The following ARSL variants were observed in gnomAD, a reference collection of about 807,000 sequenced individuals.
ARSL encodes the protein arylsulfatase L.
Under a neutral mutation model 31.1 loss-of-function variants are expected in ARSL, and 4 were observed. The ratio of observed to expected loss-of-function variants is 0.13; its 90% CI spans 0.06 to 0.29. The LOEUF is 0.29. Among genes scored for constraint, ARSL ranks in the 10% least tolerant of loss-of-function variants. ARSL has a pLI of 1.00. For synonymous variants in ARSL, 198 were observed against 209.9 expected (o/e 0.94, Z 0.49); for missense variants, 312 against 497.8 (o/e 0.63, Z 3.55).
At chrX:2,945,793 G>A (rs1216601875) in intron 7 of ARSL, among the ~76,000 whole-genome samples, 1 of 112,270 alleles carries the variant, frequency 8.9e-6, no homozygotes, top group African/African-American at 3.2e-5. Flanking sequence ...TGGCCGAATC[G>A]CATTGCCTCC....
upstream of ARSL, among the ~76,000 whole-genome samples, chrX:2,967,277 T>A (rs1422469462): frequency 8.9e-6 from 1 of 112,189 alleles, no homozygotes; most frequent in Non-Finnish European, 1.9e-5. Flanking sequence ...ACCTCTGAAC[T>A]GATGTATTTA....
Position 2,951,104 on chromosome X carries a change from C to T in ARSL, c.431-1377G>A, listed in dbSNP as rs187993051. Among the ~76,000 whole-genome samples, 44 of 111,909 alleles carry T rather than the reference C, an allele frequency of 3.9e-4. No individual in the cohort carries two copies. In the East Asian group the frequency reaches 0.011, roughly 29 times the overall value. ...TACAAAGACTCTTTTTGCATATAAG[C>T]TAATATTTGCTAGATTCAGAGGTTA... On this transcript the variant is annotated intron_variant, in intron 5 of 10. Coordinates refer to ENST00000381134, the MANE Select transcript of ARSL (RefSeq NM_000047.3).
chrX:2,960,460 G>A (rs930166411), intron 1 of ARSL, 40 bp from the exon 2 acceptor site: 1 of 1,184,455 alleles, frequency 8.4e-7, no homozygotes, highest in Non-Finnish European at 1.1e-6. Flanking sequence ...ATTGACAGCA[G>A]AAATTGACCT....
At chrX:2,957,964 G>C (rs2089549658) in intron 3 of ARSL, among the ~76,000 whole-genome samples, 1 of 111,122 alleles carries the variant, frequency 9.0e-6, no homozygotes, top group African/African-American at 3.3e-5. Context: ...CAAGGCTGCA[G>C]TGAGCTGTGA....
At chrX:2,950,236 C>T (rs1396613432) in intron 5 of ARSL, among the ~76,000 whole-genome samples, 3 of 111,572 alleles carry the variant, frequency 2.7e-5, no homozygotes, top group South Asian at 3.8e-4. Context: ...CAGCAGTCAT[C>T]GCAGTAGGGC....
intron 6 of ARSL, among the ~76,000 whole-genome samples, chrX:2,948,379 T>A (rs2089414172): frequency 8.9e-6 from 1 of 111,812 alleles, no homozygotes; most frequent in South Asian, 3.8e-4. Flanking sequence ...GACTTTTTTT[T>A]AAGTTTATAA....
chrX:2,955,848 G>A (rs2089517340), intron 3 of ARSL, among the ~76,000 whole-genome samples: 1 of 111,994 alleles, frequency 8.9e-6, no homozygotes, highest in Non-Finnish European at 1.9e-5. Context: ...AACATGGCGA[G>A]ACCCTGTCTC....
intron 1 of ARSL, among the ~76,000 whole-genome samples, chrX:2,961,612 G>C (rs2089634998): frequency 1.8e-5 from 2 of 111,971 alleles, no homozygotes; most frequent in African/African-American, 6.5e-5. Context: ...GCTGTCCTTT[G>C]TGGGGAAAAA....
At chrX:2,950,343 A>C (rs2089444746) in intron 5 of ARSL, among the ~76,000 whole-genome samples, 1 of 111,998 alleles carries the variant, frequency 8.9e-6, no homozygotes, top group African/African-American at 3.2e-5. Context: ...TGAAGCCCTA[A>C]CACCCAGGAC....
chrX:2,938,964 A>G (rs1603461658), intron 8 of ARSL, among the ~76,000 whole-genome samples: 2 of 104,554 alleles, frequency 1.9e-5, no homozygotes, highest in African/African-American at 3.5e-5. Context: ...GCCCCCGGTA[A>G]CTGGGAGAGG....
chrX:2,959,028 G>A (rs751767384), intron 2 of ARSL, among the ~76,000 whole-genome samples: 1 of 112,158 alleles, frequency 8.9e-6, no homozygotes, highest in Non-Finnish European at 1.9e-5. Context: ...GCCTGCCTTA[G>A]TCATGGTTTC....
intron 9 of ARSL, 124 bp downstream of exon 9, chrX:2,937,971 C>A: frequency 1.0e-6 from 1 of 992,830 alleles, no homozygotes; most frequent in Non-Finnish European, 1.4e-6. Context: ...GCAGCCCGAC[C>A]CTCGGTTTGG....
intron 2 of ARSL, 35 bp from the exon 3 acceptor site, chrX:2,958,470 A>G: frequency 8.3e-7 from 1 of 1,199,651 alleles, no homozygotes; most frequent in Non-Finnish European, 1.1e-6. Flanking sequence ...TGTCCATCTC[A>G]TTTGCAGAAC....
chrX:2,954,415 C>A (rs1371489974), intron 4 of ARSL, among the ~76,000 whole-genome samples: 3 of 111,563 alleles, frequency 2.7e-5, no homozygotes, highest in Non-Finnish European at 5.6e-5. Context: ...ACTGCCTCAG[C>A]CTTCCAAGTA....
chrX:2,959,152 T>A (rs966511025), intron 2 of ARSL, among the ~76,000 whole-genome samples: 6 of 111,293 alleles, frequency 5.4e-5, no homozygotes, highest in Non-Finnish European at 3.8e-5. Flanking sequence ...GGGGTTAGGG[T>A]TTGGACCACC....
chrX:2,960,524 T>C (rs1182712783), intron 1 of ARSL, 104 bp from the exon 2 acceptor site: 2 of 775,839 alleles, frequency 2.6e-6, no homozygotes, highest in South Asian at 2.4e-5. Context: ...TTCCCGTTCA[T>C]GATATCAATA....
At chrX:2,966,106 G>A (rs1452186499), upstream of ARSL, among the ~76,000 whole-genome samples, 1 of 112,152 alleles carries the variant, frequency 8.9e-6, no homozygotes, top group African/African-American at 3.2e-5. Context: ...TGCTGGGTCT[G>A]TGAGAAGTCA....
chrX:2,959,509 G>A (rs867221183), intron 2 of ARSL: 6 of 1,046,636 alleles, frequency 5.7e-6, no homozygotes, highest in African/African-American at 3.8e-5. Flanking sequence ...ATGCAGTAAA[G>A]ATGTAATCTG....
chrX:2,949,743 G>T lies in ARSL; in HGVS notation c.431-16C>A. On this transcript the variant is annotated splice_polypyrimidine_tract_variant and intron_variant, in intron 5 of 10. Coordinates refer to ENST00000381134, the MANE Select transcript of ARSL (RefSeq NM_000047.3). The stretch of plus-strand genomic sequence containing the variant: ...TGCCATTTTCCTGAGAGGCAAAAAG[G>T]ATGTTGATGTGACAAGCATCTGAGC... The T allele has an allele frequency of 1.7e-6, 2 of 1,204,641 alleles. No homozygotes were observed. Among genetic ancestry groups the T allele is most frequent in the Non-Finnish European group, 2.2e-6 (2 of 890,555 alleles).
Sources: allele counts gnomAD v4.1 joint callset (sites outside exome capture counted in the v4.1 genomes callset), GRCh38; gene constraint gnomAD v4.1.1; transcripts MANE v1.5; gene names NCBI Gene and HGNC (gene_info 2026-07-23, HGNC 2026-07-21).